Variants in ATP6V0A4 observed in about 807,000 individuals in gnomAD.
ATP6V0A4 encodes the protein ATPase H+ transporting V0 subunit a4, also known as V-type proton ATPase 116 kDa subunit a 4.
A neutral mutation model predicts 107.3 loss-of-function variants in ATP6V0A4; 86 were observed. That is an observed-to-expected ratio of 0.80 (90% CI 0.67 to 0.96). The LOEUF (loss-of-function observed/expected upper bound fraction) is 0.96, where lower values mean the gene tolerates loss of function less well. Ranked by LOEUF, ATP6V0A4 falls within the 40% of genes least tolerant of loss-of-function variation. The pLI is 0.00. For synonymous variants in ATP6V0A4, 353 were observed against 381.4 expected (o/e 0.93, Z 0.87); for missense variants, 908 against 1,045.6 (o/e 0.87, Z 1.81).
At chr7:138,748,437 C>T (rs920765194) in intron 12 of ATP6V0A4, among the ~76,000 whole-genome samples, 6 of 152,082 alleles carry the variant, frequency 3.9e-5, no homozygotes, top group African/African-American at 1.4e-4. Flanking sequence ...GACAGGATCT[C>T]GCTCTGTCAC....
chr7:138,755,043 C>G (rs1806438561), intron 10 of ATP6V0A4, among the ~76,000 whole-genome samples: 1 of 152,224 alleles, frequency 6.6e-6, no homozygotes, highest in Admixed American at 6.5e-5. Context: ...TTGGACAGCA[C>G]AGGACACATG....
chr7:138,782,908 C>T (rs1292724992), intron 2 of ATP6V0A4, among the ~76,000 whole-genome samples: 2 of 152,102 alleles, frequency 1.3e-5, no homozygotes. Context: ...AACCCCTTCT[C>T]TACTAAAAAT....
At chr7:138,760,527 C>G (rs1012596493) in intron 7 of ATP6V0A4, among the ~76,000 whole-genome samples, 6 of 151,158 alleles carry the variant, frequency 4.0e-5, no homozygotes, top group African/African-American at 1.5e-4. Flanking sequence ...ACAGTAGTCT[C>G]TATGCATTTT....
chr7:138,755,795 T>C lies in ATP6V0A4; in HGVS notation c.723-13A>G. 2.5e-6 allele frequency: 4 copies of C among 1,611,416 alleles called. No homozygotes were observed. Among genetic ancestry groups the C allele is most frequent in the Non-Finnish European group, 3.4e-6 (4 of 1,179,952 alleles). On this transcript the variant is annotated splice_polypyrimidine_tract_variant and intron_variant, in intron 9 of 21. Coordinates refer to ENST00000310018, the MANE Select transcript of ATP6V0A4 (RefSeq NM_020632.3). ...AGTGGCTCGAAACCTGTGTTTAATA[T>C]ATTCCAAAGGAAACAGGTGAGTTCT...
chr7:138,767,074 C>G (rs1056028621), intron 5 of ATP6V0A4, among the ~76,000 whole-genome samples: 3 of 152,290 alleles, frequency 2.0e-5, no homozygotes, highest in Non-Finnish European at 4.4e-5. Context: ...ACAAACAATG[C>G]CATCCTTCTC....
chr7:138,769,306 T>G (rs1342302453), intron 3 of ATP6V0A4, 55 bp from the exon 4 acceptor site: 12 of 1,553,146 alleles, frequency 7.7e-6, no homozygotes, highest in Non-Finnish European at 8.6e-6. Context: ...GCCAATAGAT[T>G]TCTTTCTTTT....
chr7:138,737,512 G>C (rs1805400168), intron 15 of ATP6V0A4, among the ~76,000 whole-genome samples: 1 of 151,672 alleles, frequency 6.6e-6, no homozygotes, highest in Admixed American at 6.6e-5. Context: ...TGTTAAAGTG[G>C]TTATCTCTGA....
rs1235506386 is a variant in ATP6V0A4 at position 138,752,806 on chromosome 7, C to T, written c.848G>A (p.Arg283His). 52 of 1,614,024 alleles carry T rather than the reference C, an allele frequency of 3.2e-5. No homozygotes were observed. Among genetic ancestry groups the T allele is most frequent in the Middle Eastern group, 1.6e-4 (1 of 6,084 alleles). The change falls in exon 11 of 22, where the codon CGC becomes CAC. Residue 283 changes from arginine to histidine, a missense_variant. Arg to His is a conservative substitution (Grantham distance 29). Coordinates refer to ENST00000310018, the MANE Select transcript of ATP6V0A4 (RefSeq NM_020632.3). ...VITQTESHRQ[R>H]LLQEAAANWH... is the part of the protein sequence containing the mutation. ...GTTGGCAGCGGCTTCCTGCAGCAGG[C>T]GCTGGCGGTGAGACTCTGTTTGTGT...
rs897972636 is a variant in ATP6V0A4 at position 138,726,032 on chromosome 7, T to C, written c.2010+2729A>G. On this transcript the variant is annotated intron_variant, in intron 18 of 21. Transcript: ENST00000310018. ...TGAGACAGAGTCTCGTTCTGTCGCC[T>C]GGGCTGGAGTGCAGTGGTGCAATTT... Among the ~76,000 whole-genome samples the C allele has an allele frequency of 1.1e-4, 17 of 152,172 alleles. No individual in the cohort carries two copies. In the South Asian group the frequency reaches 1.2e-3, roughly 11 times the overall value.
intron 21 of ATP6V0A4, 25 bp downstream of exon 21, chr7:138,709,599 G>A (rs372245792): frequency 2.0e-5 from 32 of 1,607,862 alleles, no homozygotes; most frequent in East Asian, 4.5e-5. Flanking sequence ...ACCACATTGA[G>A]CTTCCAGGGG....
At chr7:138,763,975 A>AAAAAT (rs774897965) in intron 5 of ATP6V0A4, among the ~76,000 whole-genome samples, 6 of 143,612 alleles carry the variant, frequency 4.2e-5, no homozygotes, top group East Asian at 4.1e-4. Context: ...TCAAAAAAAA[A>AAAAAT]ATATATATAT....
intron 1 of ATP6V0A4, among the ~76,000 whole-genome samples, chr7:138,794,876 T>C (rs1258443455): frequency 1.3e-5 from 2 of 149,400 alleles, no homozygotes; most frequent in Admixed American, 6.8e-5. Flanking sequence ...ATAGTTATCA[T>C]TGGCCAGTCC....
At chr7:138,728,198 C>G (rs1022768364) in intron 18 of ATP6V0A4, among the ~76,000 whole-genome samples, 22 of 151,912 alleles carry the variant, frequency 1.4e-4, no homozygotes, top group Non-Finnish European at 2.5e-4. Flanking sequence ...ACACCCTGAA[C>G]AAAGTCTGTC....
intron 8 of ATP6V0A4, among the ~76,000 whole-genome samples, chr7:138,758,376 T>C (rs1321564696): frequency 1.3e-5 from 2 of 152,226 alleles, no homozygotes; most frequent in East Asian, 1.9e-4. Flanking sequence ...GTTTCTCATT[T>C]TTTTCATAAT....
intron 3 of ATP6V0A4, among the ~76,000 whole-genome samples, chr7:138,769,891 A>G (rs1807290186): frequency 6.6e-6 from 1 of 152,164 alleles, no homozygotes; most frequent in Non-Finnish European, 1.5e-5. Context: ...CAACCTGGGC[A>G]ACATAATGAG....
At chr7:138,777,631 A>ATACACACAC (rs1274092641) in intron 2 of ATP6V0A4, among the ~76,000 whole-genome samples, 217 of 119,782 alleles carry the variant, frequency 1.8e-3, no homozygotes, top group African/African-American at 7.2e-3. Context: ...AAAAAAAAAA[A>ATACACACAC]ATACACACAC....
At chr7:138,792,784 TTG>T (rs773553555) in intron 1 of ATP6V0A4, among the ~76,000 whole-genome samples, 23 of 40,512 alleles carry the variant, frequency 5.7e-4, no homozygotes, top group East Asian at 1.7e-3. Context: ...TTTTGTTGTT[TTG>T]TTTTTTTTTT....
chr7:138,732,859 A>G lies in ATP6V0A4; in HGVS notation c.1908+18T>C. On this transcript the variant is annotated intron_variant, in intron 17 of 21. Transcript: ENST00000310018. Reference sequence around the variant, plus strand: ...AGTAAATAAAAGAAGAGTAAAAAAAAAAAAATAGCAGAAATACCTGATGTT... The same window carrying G: ...AGTAAATAAAAGAAGAGTAAAAAAAGAAAAATAGCAGAAATACCTGATGTT... 1 of 1,577,224 alleles carries G rather than the reference A, an allele frequency of 6.3e-7. No homozygotes were observed. Among genetic ancestry groups the G allele is most frequent in the Non-Finnish European group, 8.6e-7 (1 of 1,160,772 alleles).
chr7:138,722,492 C>T (rs1164697035), intron 18 of ATP6V0A4, among the ~76,000 whole-genome samples: 1 of 151,454 alleles, frequency 6.6e-6, no homozygotes, highest in Non-Finnish European at 1.5e-5. Context: ...TGGTGAAAAC[C>T]CATCTCTACT....
Sources: allele counts gnomAD v4.1 joint callset (sites outside exome capture counted in the v4.1 genomes callset), GRCh38; gene constraint gnomAD v4.1.1; transcripts MANE v1.5; gene names NCBI Gene and HGNC (gene_info 2026-07-23, HGNC 2026-07-21).